The following DMRT1 variants were observed in gnomAD, a reference collection of about 807,000 sequenced individuals.
The protein encoded by DMRT1 is doublesex- and mab-3-related transcription factor 1.
DMRT1 carries 7 observed loss-of-function variants against 32.3 expected under a neutral mutation model. The ratio of observed to expected loss-of-function variants is 0.22; its 90% CI spans 0.12 to 0.41. DMRT1 has a LOEUF of 0.41. DMRT1 is among the 10% of genes least tolerant of loss of function. DMRT1 has a pLI of 1.00. For synonymous variants in DMRT1, 278 were observed against 206.1 expected (o/e 1.35, Z -2.99); for missense variants, 625 against 500.5 (o/e 1.25, Z -2.37).
At chr9:926,858 C>A (rs561378706) in intron 4 of DMRT1, among the ~76,000 whole-genome samples, 1 of 152,166 alleles carries the variant, frequency 6.6e-6, no homozygotes, top group South Asian at 2.1e-4. Context: ...GAGTTCCATC[C>A]CTGCCTGCTC....
In DMRT1 at chr9:922,450, G is replaced by C. The variant is rs145274548; in HGVS notation, c.967+5543G>C. Among the ~76,000 whole-genome samples, 13 of 152,280 alleles carry C rather than the reference G, an allele frequency of 8.5e-5. No individual in the cohort carries two copies. In the East Asian group the frequency reaches 2.5e-3, roughly 29 times the overall value. ...TTCCCCAGCTGGTGATGAAGAGACA[G>C]ATCTCCACAGCAGCCCCTGTGTTTT... On this transcript the variant is annotated intron_variant, in intron 4 of 4. Transcript: ENST00000382276.
At chr9:872,299 G>C (rs556513725) in intron 2 of DMRT1, among the ~76,000 whole-genome samples, 1 of 152,196 alleles carries the variant, frequency 6.6e-6, no homozygotes, top group South Asian at 2.1e-4. Context: ...CTGACCTTGT[G>C]ATCCACCCGC....
chr9:919,094 C>T (rs1186168308), intron 4 of DMRT1, among the ~76,000 whole-genome samples: 40 of 152,038 alleles, frequency 2.6e-4, no homozygotes, highest in Admixed American at 2.6e-3. Context: ...TGTGAGATAT[C>T]GGCAAAGGTT....
At chr9:898,946 T>G (rs1391151007) in intron 3 of DMRT1, among the ~76,000 whole-genome samples, 2 of 152,248 alleles carry the variant, frequency 1.3e-5, no homozygotes, top group Non-Finnish European at 2.9e-5. Context: ...TCGGTTTCTC[T>G]CATCAGTGTT....
chr9:845,933 T>A lies in DMRT1; in HGVS notation c.355-1027T>A, dbSNP rs112338471. 3.3e-4 allele frequency among the ~76,000 whole-genome samples: 51 copies of A among 152,330 alleles called. 1 individual carries two copies. Among genetic ancestry groups the A allele is most frequent in the African/African-American group, 9.1e-4 (38 of 41,576 alleles). On this transcript the variant is annotated intron_variant, in intron 1 of 4. Transcript: ENST00000382276. Reference sequence around the variant, plus strand: ...TGAAAGACATTTCTCTCTCTGACTTTCTTCTGTAGGAGTGAAAGGTACTTC... The same window carrying A: ...TGAAAGACATTTCTCTCTCTGACTTACTTCTGTAGGAGTGAAAGGTACTTC...
At chr9:914,003 C>T (rs1211865992) in intron 3 of DMRT1, among the ~76,000 whole-genome samples, 1 of 152,150 alleles carries the variant, frequency 6.6e-6, no homozygotes, top group Non-Finnish European at 1.5e-5. Flanking sequence ...TCAGCATCTC[C>T]AGCCCAGTCT....
At chr9:891,824 G>A (rs1348061112) in intron 2 of DMRT1, among the ~76,000 whole-genome samples, 2 of 152,050 alleles carry the variant, frequency 1.3e-5, no homozygotes, top group Non-Finnish European at 2.9e-5. Flanking sequence ...GTGCCTGGCT[G>A]GAGCTTTTAC....
intron 4 of DMRT1, among the ~76,000 whole-genome samples, chr9:939,737 A>T (rs986635402): frequency 6.6e-6 from 1 of 152,196 alleles, no homozygotes; most frequent in African/African-American, 2.4e-5. Flanking sequence ...GAGTGTACAA[A>T]GTAAAACCAG....
chr9:948,501 G>A (rs1400564175), intron 4 of DMRT1, among the ~76,000 whole-genome samples: 1 of 152,052 alleles, frequency 6.6e-6, no homozygotes, highest in Non-Finnish European at 1.5e-5. Flanking sequence ...AGAGTCTGTG[G>A]AAGTCAGTAT....
At chr9:928,298 C>G (rs1190714564) in intron 4 of DMRT1, among the ~76,000 whole-genome samples, 1 of 152,186 alleles carries the variant, frequency 6.6e-6, no homozygotes, top group African/African-American at 2.4e-5. Context: ...TTTTAAAATT[C>G]TCTGTTAAGT....
At chr9:851,944 T>G (rs1285628166) in intron 2 of DMRT1, among the ~76,000 whole-genome samples, 2 of 90,106 alleles carry the variant, frequency 2.2e-5, no homozygotes, top group Non-Finnish European at 5.2e-5. Context: ...ACACTTTTTT[T>G]TTGTTTTTTT....
At position 910,059 on chromosome 9, in the gene DMRT1, G is replaced by T. The variant is rs56874506; in HGVS notation, c.823-6704G>T. 2.0e-5 allele frequency among the ~76,000 whole-genome samples: 3 copies of T among 152,292 alleles called. No individual in the cohort carries two copies. In the East Asian group the frequency reaches 5.8e-4, roughly 29 times the overall value. ...TAAATATCAGTTTGCAATTAGGAATGTTATCCTATAGAATAACTCTTCTCA... is the reference window on the plus strand; with the variant it reads ...TAAATATCAGTTTGCAATTAGGAATTTTATCCTATAGAATAACTCTTCTCA... On this transcript the variant is annotated intron_variant, in intron 3 of 4. Transcript: ENST00000382276.
intron 4 of DMRT1, among the ~76,000 whole-genome samples, chr9:927,951 C>T (rs1818582289): frequency 6.6e-6 from 1 of 152,210 alleles, no homozygotes; most frequent in Admixed American, 6.5e-5. Flanking sequence ...GAAACCCATA[C>T]AACTGTTGCC....
intron 2 of DMRT1, among the ~76,000 whole-genome samples, chr9:872,966 T>A (rs1816337751): frequency 6.6e-6 from 1 of 152,204 alleles, no homozygotes; most frequent in South Asian, 2.1e-4. Context: ...TAAAGGCAGA[T>A]CTTCTCTACT....
intron 3 of DMRT1, among the ~76,000 whole-genome samples, chr9:906,937 T>C (rs1386495671): frequency 6.6e-6 from 1 of 152,242 alleles, no homozygotes; most frequent in African/African-American, 2.4e-5. Context: ...GAGCAGTTTC[T>C]TCCTATATCA....
intron 4 of DMRT1, among the ~76,000 whole-genome samples, chr9:960,415 A>G (rs556605051): frequency 8.5e-5 from 13 of 152,348 alleles, no homozygotes; most frequent in East Asian, 1.9e-4. Context: ...GACACTCACA[A>G]TTCTTTCCTG....
intron 4 of DMRT1, among the ~76,000 whole-genome samples, chr9:956,969 G>T (rs1819621062): frequency 6.6e-6 from 1 of 152,118 alleles, no homozygotes; most frequent in Non-Finnish European, 1.5e-5. Context: ...TTTTATTTTA[G>T]ATTCAGCGGG....
chr9:847,293 T>C (rs1033165292), intron 2 of DMRT1, 150 bp downstream of exon 2: 1 of 787,686 alleles, frequency 1.3e-6, no homozygotes, highest in Admixed American at 2.9e-5. Context: ...GGGCTGTTTG[T>C]GCCTGCATCA....
intron 2 of DMRT1, among the ~76,000 whole-genome samples, chr9:849,228 C>G (rs1413690762): frequency 6.6e-6 from 1 of 152,130 alleles, no homozygotes; most frequent in African/African-American, 2.4e-5. Context: ...TATGGATTTC[C>G]CATTCTACTT....
Sources: allele counts gnomAD v4.1 joint callset (sites outside exome capture counted in the v4.1 genomes callset), GRCh38; gene constraint gnomAD v4.1.1; transcripts MANE v1.5; gene names NCBI Gene and HGNC (gene_info 2026-07-23, HGNC 2026-07-21).